Variants in NEGR1 observed in about 807,000 individuals in gnomAD.
NEGR1 encodes IgLON family member 4.
In NEGR1, 10 loss-of-function variants were observed where a neutral mutation model predicts 40.9. That is an observed-to-expected ratio of 0.24 (90% confidence interval 0.15 to 0.42). The LOEUF is 0.42. Ranked by LOEUF, NEGR1 falls within the 10% of genes least tolerant of loss-of-function variation. The pLI is 1.00. For missense variants in NEGR1, 352 were observed against 438.9 expected (o/e 0.80, Z 1.77); for synonymous variants, 185 against 166.8 (o/e 1.11, Z -0.84).
chr1:72,027,511 G>C (rs1292705999), intron 1 of NEGR1, among the ~76,000 whole-genome samples: 2 of 151,734 alleles, frequency 1.3e-5, no homozygotes, highest in Non-Finnish European at 2.9e-5. Context: ...GAGTGTTTCT[G>C]GTTGATAGGA....
chr1:71,856,718 T>C (rs140487838), intron 2 of NEGR1, among the ~76,000 whole-genome samples: 2 of 152,184 alleles, frequency 1.3e-5, no homozygotes, highest in African/African-American at 4.8e-5. Flanking sequence ...TGCTAATTGT[T>C]GCATAAAAAT....
chr1:72,224,200 AC>A (rs1654102358), intron 1 of NEGR1, among the ~76,000 whole-genome samples: 1 of 151,652 alleles, frequency 6.6e-6, no homozygotes, highest in Non-Finnish European at 1.5e-5. Flanking sequence ...TTCAACATTT[AC>A]TGTCTAAGTT....
In NEGR1 at chr1:71,829,216, A is replaced by G. The variant is rs528613822; in HGVS notation, c.410-52919T>C. ...TTAAATCCTCAACGTTTTTTGTTGT[A>G]TCATATTTTCCTTTGAGTTTTTTTT... On this transcript the variant is annotated intron_variant, in intron 2 of 6. Transcript: ENST00000357731. Among the ~76,000 whole-genome samples the G allele has an allele frequency of 9.2e-5, 14 of 152,060 alleles. No homozygotes were observed. The South Asian group carries it at 2.9e-3, about 32-fold the overall frequency.
chr1:72,274,494 G>C (rs1394050868), intron 1 of NEGR1: 13 of 627,410 alleles, frequency 2.1e-5, no homozygotes, highest in Non-Finnish European at 3.8e-5. Flanking sequence ...CTGATTAAAA[G>C]ATAAACTGTC....
At chr1:71,811,405 G>A (rs1380419886) in intron 2 of NEGR1, among the ~76,000 whole-genome samples, 1 of 151,954 alleles carries the variant, frequency 6.6e-6, no homozygotes, top group Non-Finnish European at 1.5e-5. Flanking sequence ...TGTATAGGTG[G>A]TTCTTCCTTA....
In NEGR1 at chr1:71,690,328, CT is replaced by C. The variant is rs1257597504; in HGVS notation, c.667+7679del. On this transcript the variant is annotated intron_variant, in intron 4 of 6. Coordinates refer to ENST00000357731, the MANE Select transcript of NEGR1 (RefSeq NM_173808.3). ...TCTTGCTTCACGTACTGAAGCAAAA[CT>C]TTTTTTTCTAGAAGCACTAGGAAAC... Among the ~76,000 whole-genome samples the C allele has an allele frequency of 4.0e-5, 6 of 151,760 alleles. No individual in the cohort carries two copies. In the South Asian group the frequency reaches 8.3e-4, roughly 21 times the overall value.
At chr1:71,542,899 C>A (rs1647762447) in intron 6 of NEGR1, among the ~76,000 whole-genome samples, 1 of 151,644 alleles carries the variant, frequency 6.6e-6, no homozygotes, top group Non-Finnish European at 1.5e-5. Flanking sequence ...GAAAAAATTG[C>A]CACTCTCAGA....
chr1:72,199,346 A>T (rs1337285924), intron 1 of NEGR1, among the ~76,000 whole-genome samples: 3 of 152,052 alleles, frequency 2.0e-5, no homozygotes, highest in Non-Finnish European at 4.4e-5. Flanking sequence ...CAACATCTCT[A>T]GAAGGTAGAC....
intron 3 of NEGR1, among the ~76,000 whole-genome samples, chr1:71,720,611 C>T (rs772826771): frequency 2.6e-5 from 4 of 152,136 alleles, no homozygotes; most frequent in African/African-American, 9.7e-5. Flanking sequence ...GTCCTAGTTC[C>T]ACCATTCTGT....
At chr1:72,054,803 G>A (rs1015153789) in intron 1 of NEGR1, among the ~76,000 whole-genome samples, 1 of 150,836 alleles carries the variant, frequency 6.6e-6, no homozygotes, top group African/African-American at 2.4e-5. Context: ...TATGGATATT[G>A]GGGAGAAATA....
chr1:71,498,349 T>G (rs1023685178), intron 6 of NEGR1, among the ~76,000 whole-genome samples: 10 of 152,062 alleles, frequency 6.6e-5, no homozygotes, highest in Middle Eastern at 3.4e-3. Flanking sequence ...TTCTATGAAG[T>G]GAAAATTAAT....
intron 6 of NEGR1, among the ~76,000 whole-genome samples, chr1:71,504,653 G>A (rs1164971840): frequency 1.3e-5 from 2 of 152,110 alleles, no homozygotes; most frequent in Non-Finnish European, 2.9e-5. Context: ...AAAACGTAAC[G>A]TTTTTGATTA....
At chr1:72,114,755 A>G (rs922605729) in intron 1 of NEGR1, among the ~76,000 whole-genome samples, 4 of 151,782 alleles carry the variant, frequency 2.6e-5, no homozygotes, top group African/African-American at 7.2e-5. Context: ...AGCAAGACAG[A>G]TTTGAGAGCA....
chr1:71,849,050 C>T (rs900092712), intron 2 of NEGR1, among the ~76,000 whole-genome samples: 2 of 150,612 alleles, frequency 1.3e-5, no homozygotes, highest in African/African-American at 4.9e-5. Flanking sequence ...GATTGTGCCA[C>T]GGCACTCCAG....
chr1:72,135,422 C>CAAAAAAAAAAAAAAAAAAAAA (rs71074820), intron 1 of NEGR1, among the ~76,000 whole-genome samples: 1 of 102,266 alleles, frequency 9.8e-6, no homozygotes, highest in African/African-American at 3.6e-5. Context: ...AAAACAAAAC[C>CAAAAAAAAAAAAAAAAAAAAA]AAAAAAAAAA....
At chr1:71,921,585 T>C (rs904109696) in intron 2 of NEGR1, among the ~76,000 whole-genome samples, 4 of 150,832 alleles carry the variant, frequency 2.7e-5, no homozygotes, top group Non-Finnish European at 5.9e-5. Context: ...TAATAACATT[T>C]TCTTCCCTTT....
At chr1:71,549,052 C>T (rs1389647507) in intron 6 of NEGR1, among the ~76,000 whole-genome samples, 3 of 151,652 alleles carry the variant, frequency 2.0e-5, no homozygotes, top group Non-Finnish European at 4.4e-5. Context: ...CTTCTGGACA[C>T]CAGAGCTATA....
At chr1:71,413,743 G>A (rs1454414319) in intron 6 of NEGR1, among the ~76,000 whole-genome samples, 1 of 152,124 alleles carries the variant, frequency 6.6e-6, no homozygotes, top group Non-Finnish European at 1.5e-5. Flanking sequence ...TGGAGTGTAA[G>A]CCTTTGAGAC....
chr1:71,968,609 A>G (rs1314161897), intron 1 of NEGR1, among the ~76,000 whole-genome samples: 6 of 152,198 alleles, frequency 3.9e-5, no homozygotes, highest in African/African-American at 1.4e-4. Context: ...GAGATTTAAC[A>G]TATTTTGTAT....
Sources: allele counts gnomAD v4.1 joint callset (sites outside exome capture counted in the v4.1 genomes callset), GRCh38; gene constraint gnomAD v4.1.1; transcripts MANE v1.5; gene names NCBI Gene and HGNC (gene_info 2026-07-23, HGNC 2026-07-21).